Variants in SCN2A observed in about 807,000 individuals in gnomAD.
SCN2A encodes the protein sodium voltage-gated channel alpha subunit 2.
SCN2A carries 20 observed loss-of-function variants against 188.7 expected under a neutral mutation model. The ratio of observed to expected loss-of-function variants is 0.11; its 90% CI spans 0.07 to 0.15. The LOEUF is 0.15. Ranked by LOEUF, SCN2A falls within the 10% of genes least tolerant of loss-of-function variation. The pLI, the probability that SCN2A is intolerant of heterozygous loss-of-function variation, is 1.00. For missense variants in SCN2A, 1,278 were observed against 2,445.0 expected, an observed-to-expected ratio of 0.52 and a Z score of 10.07; for synonymous variants, 804 against 833.1, an observed-to-expected ratio of 0.97 and a Z score of 0.60.
intron 17 of SCN2A, among the ~76,000 whole-genome samples, chr2:165,356,564 A>G (rs1437954402): frequency 6.6e-6 from 1 of 152,190 alleles, no homozygotes; most frequent in African/African-American, 2.4e-5. Flanking sequence ...AAAAAAGTCA[A>G]TTTTTATTTT....
chr2:165,290,752 G>C, intron 1 of SCN2A: 1 of 984,966 alleles, frequency 1.0e-6, no homozygotes. Context: ...GCGCTTGATT[G>C]CAGTAGGACA....
chr2:165,354,716 T>C (rs370485521), intron 17 of SCN2A, 45 bp downstream of exon 17: 2 of 1,594,176 alleles, frequency 1.3e-6, no homozygotes, highest in Non-Finnish European at 1.7e-6. Context: ...TATATAATTC[T>C]GTTGTTTAAA....
chr2:165,323,991 G>T (rs1440833311), intron 12 of SCN2A, among the ~76,000 whole-genome samples: 3 of 152,124 alleles, frequency 2.0e-5, no homozygotes, highest in Non-Finnish European at 4.4e-5. Context: ...AACCTTTTTA[G>T]CATCCACTCT....
intron 3 of SCN2A, among the ~76,000 whole-genome samples, chr2:165,300,255 G>A (rs1696731325): frequency 6.6e-6 from 1 of 152,046 alleles, no homozygotes; most frequent in Non-Finnish European, 1.5e-5. Context: ...TTACTCATTT[G>A]TTCATTTGCA....
intron 1 of SCN2A, among the ~76,000 whole-genome samples, chr2:165,263,136 A>T (rs1311294538): frequency 1.3e-5 from 2 of 151,846 alleles, no homozygotes; most frequent in Non-Finnish European, 2.9e-5. Context: ...TAGACTCTGG[A>T]TATTAGTCTT....
chr2:165,253,216 C>A (rs911413397), intron 1 of SCN2A, among the ~76,000 whole-genome samples: 3 of 152,104 alleles, frequency 2.0e-5, no homozygotes, highest in African/African-American at 7.2e-5. Context: ...GGATCTTCTA[C>A]CTGCCCTTCT....
rs1701888184 is a variant in SCN2A, at chr2:165,386,626, G to A, written c.4552-120G>A. On this transcript the variant is annotated intron_variant, in intron 25 of 26. Transcript: ENST00000375437. ...AATTTTTTTTTTTGTAAAATGTTGT[G>A]AGGATTAAAGATGTGTTTTTATAAA... is the stretch of plus-strand genomic sequence containing the variant. 3 of 1,005,330 alleles carry A rather than the reference G, an allele frequency of 3.0e-6. No homozygotes were observed. In the South Asian group the frequency reaches 5.0e-5, roughly 17 times the overall value. The allele number at this position is 1,005,330 out of a possible 1,614,324, so 62.3% of individuals were successfully genotyped here. A position where few individuals can be genotyped will look rare whatever the true frequency, so the allele number is the denominator to read the frequency against.
At chr2:165,303,997 T>C (rs910855514) in intron 3 of SCN2A, among the ~76,000 whole-genome samples, 1 of 152,198 alleles carries the variant, frequency 6.6e-6, no homozygotes, top group African/African-American at 2.4e-5. Context: ...CATAAAACCA[T>C]TGCCGAGTCC....
chr2:165,311,959 A>T (rs1378084576), intron 7 of SCN2A, 66 bp from the exon 8 acceptor site: 1 of 1,121,558 alleles, frequency 8.9e-7, no homozygotes, highest in African/African-American at 1.5e-5. Flanking sequence ...TTTGCCACCT[A>T]AACAGGGTGG....
intron 3 of SCN2A, among the ~76,000 whole-genome samples, chr2:165,300,215 T>G (rs1225544263): frequency 6.6e-6 from 1 of 152,252 alleles, no homozygotes; most frequent in African/African-American, 2.4e-5. Context: ...AGTTAATATA[T>G]GCACACTCCT....
intron 1 of SCN2A, among the ~76,000 whole-genome samples, chr2:165,249,725 G>A (rs1319123477): frequency 6.6e-6 from 1 of 151,946 alleles, no homozygotes; most frequent in Admixed American, 6.6e-5. Context: ...CTTCAAGCAT[G>A]TTTTGTTCTA....
At chr2:165,377,794 A>G in intron 23 of SCN2A, 144 bp downstream of exon 23, 1 of 593,260 alleles carries the variant, frequency 1.7e-6, no homozygotes. Flanking sequence ...ATATTTAATC[A>G]TACTATTTCT....
chr2:165,337,354 T>C (rs959351353), intron 14 of SCN2A, among the ~76,000 whole-genome samples: 4 of 151,984 alleles, frequency 2.6e-5, no homozygotes, highest in African/African-American at 9.7e-5. Context: ...ATTTATATAA[T>C]GGGAGAATCA....
At chr2:165,317,214 C>T (rs1308944230) in intron 11 of SCN2A, among the ~76,000 whole-genome samples, 1 of 151,906 alleles carries the variant, frequency 6.6e-6, no homozygotes, top group African/African-American at 2.4e-5. Flanking sequence ...CTTTAAATAT[C>T]AAAATTTACT....
At chr2:165,293,831 G>T (rs1696341755) in intron 1 of SCN2A, 2 of 984,726 alleles carry the variant, frequency 2.0e-6, no homozygotes, top group Non-Finnish European at 2.4e-6. Flanking sequence ...GAGAGCTTTG[G>T]GCTGCTTCAG....
At position 165,389,354 on chromosome 2, in the gene SCN2A, G is replaced by A. The variant is rs769442306; in HGVS notation, c.5548G>A (p.Asp1850Asn). ...CATGGATCTGCCCATGGTGAGTGGT[G>A]ACCGGATCCACTGTCTTGACATCTT... ...IAMDLPMVSG[D>N]RIHCLDILFA... The change falls in exon 27 of 27, where the codon GAC becomes AAC. Residue 1850 changes from aspartate to asparagine, a missense_variant. This residue lies in a region of SCN2A where 54 missense variants were observed against 135.4 expected (regional missense o/e 0.40). Coordinates refer to ENST00000375437, the MANE Select transcript of SCN2A (RefSeq NM_001040142.2). This position sits in a 1 kb window ranked among gnomAD's most constrained non-coding sequence, Gnocchi z 4.2. The A allele has an allele frequency of 1.6e-5, 26 of 1,614,064 alleles. No homozygotes were observed. The highest frequency in any genetic ancestry group is 2.2e-5 in the Non-Finnish European group (26 of 1,180,000).
intron 20 of SCN2A, chr2:165,370,611 A>T: frequency 3.4e-6 from 1 of 293,656 alleles, no homozygotes. Flanking sequence ...ACATTTCGCA[A>T]AATAACTTGT....
rs1177428543 is a variant in SCN2A at position 165,370,107 on chromosome 2, A to G, written c.3676-19A>G. On this transcript the variant is annotated intron_variant, in intron 19 of 26. Coordinates refer to ENST00000375437, the MANE Select transcript of SCN2A (RefSeq NM_001040142.2). Reference sequence around the variant, plus strand: ...ACTGTTTCTGATCATAAAATTTAATAGAATTTTTTGACTTACAGGCCTTTG... The same window carrying G: ...ACTGTTTCTGATCATAAAATTTAATGGAATTTTTTGACTTACAGGCCTTTG... 4 of 1,605,188 alleles carry G rather than the reference A, an allele frequency of 2.5e-6. No homozygotes were observed. Among genetic ancestry groups the G allele is most frequent in the Admixed American group, 1.7e-5 (1 of 59,954 alleles).
At position 165,389,329 on chromosome 2, in the gene SCN2A, C is replaced by T; in HGVS notation, c.5523C>T (p.Ala1841=). The change falls in exon 27 of 27, where the codon GCC becomes GCT. Residue 1841 remains alanine (A), a synonymous_variant. Transcript: ENST00000375437. This position sits in a 1 kb window ranked among gnomAD's most constrained non-coding sequence, Gnocchi z 4.2. The part of the protein sequence containing the change: ...IAKPNKVQLI[A]MDLPMVSGDR... ...AACCCAACAAAGTCCAGCTCATTGC[C>T]ATGGATCTGCCCATGGTGAGTGGTG... 1 of 1,614,040 alleles carries T rather than the reference C, an allele frequency of 6.2e-7. No individual in the cohort carries two copies.
Sources: gnomAD v4.1 joint callset for allele counts (sites outside exome capture counted in the v4.1 genomes callset) on GRCh38, gnomAD v4.1.1 for gene constraint, gnomAD v4.1.1 regional missense constraint, Gnocchi (gnomAD v3.1) non-coding constraint, MANE v1.5 for transcripts, NCBI Gene and HGNC (gene_info 2026-07-23, HGNC 2026-07-21) for gene names.